THOC2: variants seen among roughly 807,000 people sequenced by gnomAD.
The protein encoded by THOC2 is THO complex subunit 2.
Under a neutral mutation model 128.4 loss-of-function variants are expected in THOC2, and 10 were observed. The ratio of observed to expected loss-of-function variants is 0.08; its 90% confidence interval spans 0.05 to 0.13. THOC2 has a LOEUF of 0.13. Ranked by LOEUF, THOC2 falls within the 10% of genes least tolerant of loss-of-function variation. THOC2 has a pLI of 1.00. For missense variants in THOC2, 535 were observed against 1,155.7 expected (o/e 0.46, Z 7.79); for synonymous variants, 393 against 396.9 (o/e 0.99, Z 0.12).
chrX:123,645,431 A>AC, intron 12 of THOC2, 56 bp from the exon 13 acceptor site: 1 of 727,489 alleles, frequency 1.4e-6, no homozygotes, highest in African/African-American at 2.2e-5. Flanking sequence ...TTATGATGTC[A>AC]CAATTAATTT....
intron 8 of THOC2, among the ~76,000 whole-genome samples, chrX:123,672,996 T>G (rs1045355122): frequency 4.4e-5 from 5 of 112,539 alleles, no homozygotes; most frequent in African/African-American, 1.6e-4. Flanking sequence ...CACTCTATTT[T>G]TTAAAAACAG....
intron 4 of THOC2, among the ~76,000 whole-genome samples, chrX:123,700,438 T>C (rs889502760): frequency 3.9e-4 from 39 of 100,432 alleles, no homozygotes; most frequent in South Asian, 1.1e-3. Flanking sequence ...GAGGTGGAGG[T>C]TGCAGCAAGC....
chrX:123,635,266 T>C (rs2047631602), intron 19 of THOC2, among the ~76,000 whole-genome samples: 1 of 111,918 alleles, frequency 8.9e-6, no homozygotes, highest in African/African-American at 3.2e-5. Flanking sequence ...TCCTGGCCTA[T>C]AGACAAAGAA....
At chrX:123,639,495 T>G (rs1437808049) in intron 16 of THOC2, among the ~76,000 whole-genome samples, 2 of 112,134 alleles carry the variant, frequency 1.8e-5, no homozygotes, top group Non-Finnish European at 3.8e-5. Flanking sequence ...TGGTACTTTT[T>G]TTGTGGCTAT....
intron 16 of THOC2, among the ~76,000 whole-genome samples, chrX:123,639,603 A>C (rs1277425423): frequency 5.4e-5 from 6 of 111,035 alleles, no homozygotes; most frequent in African/African-American, 2.0e-4. Context: ...GTATCCTGAA[A>C]CTTTACTATG....
chrX:123,613,907 G>A, intron 34 of THOC2, 145 bp downstream of exon 34: 1 of 708,326 alleles, frequency 1.4e-6, no homozygotes, highest in Non-Finnish European at 2.1e-6. Context: ...CGTAGAAAAT[G>A]CAAACACTTC....
At chrX:123,664,696 A>G (rs758527959) in intron 12 of THOC2, among the ~76,000 whole-genome samples, 41 of 111,824 alleles carry the variant, frequency 3.7e-4, no homozygotes, top group African/African-American at 1.1e-3. Flanking sequence ...AAAAAGTCAG[A>G]AAACAACAGG....
chrX:123,645,151 A>T (rs1328132885), intron 13 of THOC2, among the ~76,000 whole-genome samples, 183 bp downstream of exon 13: 10 of 112,161 alleles, frequency 8.9e-5, no homozygotes, highest in Non-Finnish European at 5.6e-5. Context: ...CTTTTTCAAC[A>T]TCAGGGGAAA....
intron 2 of THOC2, among the ~76,000 whole-genome samples, chrX:123,708,849 C>T (rs183228635): frequency 1.7e-3 from 189 of 111,496 alleles, no homozygotes; most frequent in South Asian, 0.01. Context: ...TGGGTTCAAG[C>T]GCTTCTCCAG....
intron 3 of THOC2, among the ~76,000 whole-genome samples, chrX:123,705,836 A>G (rs1028493948): frequency 9.0e-6 from 1 of 111,612 alleles, no homozygotes; most frequent in African/African-American, 3.2e-5. Flanking sequence ...CCCACACCTT[A>G]ATAAAACCTA....
intron 1 of THOC2, among the ~76,000 whole-genome samples, chrX:123,717,276 T>TA (rs1014968566): frequency 9.0e-6 from 1 of 110,833 alleles, no homozygotes; most frequent in African/African-American, 3.3e-5. Flanking sequence ...ATAAATAGGG[T>TA]AAAATCACAG....
chrX:123,651,902 C>T (rs2048374148), intron 12 of THOC2, among the ~76,000 whole-genome samples: 1 of 111,411 alleles, frequency 9.0e-6, no homozygotes, highest in Non-Finnish European at 1.9e-5. Context: ...CTTTCTGAAA[C>T]TATTCCAAAC....
chrX:123,631,577 T>C, intron 22 of THOC2, 111 bp downstream of exon 22: 1 of 833,375 alleles, frequency 1.2e-6, no homozygotes, highest in South Asian at 2.4e-5. Flanking sequence ...GGGATCCTAG[T>C]TTAGGGCCAA....
At chrX:123,671,787 C>T (rs2049289601) in intron 8 of THOC2, 26 bp from the exon 9 acceptor site, 2 of 981,440 alleles carry the variant, frequency 2.0e-6, no homozygotes, top group Non-Finnish European at 2.8e-6. Context: ...AAAAAGTTTC[C>T]ATTTAGTGCA....
At chrX:123,710,047 G>A (rs977793257) in intron 2 of THOC2, among the ~76,000 whole-genome samples, 1 of 111,751 alleles carries the variant, frequency 8.9e-6, no homozygotes, top group African/African-American at 3.3e-5. Context: ...GACACTGCCC[G>A]AACTCAAACC....
chrX:123,609,184 T>G (rs1355305111), intron 38 of THOC2, among the ~76,000 whole-genome samples: 1 of 111,938 alleles, frequency 8.9e-6, no homozygotes, highest in Non-Finnish European at 1.9e-5. Flanking sequence ...GACAGCAAAA[T>G]GCCAGATTAA....
At chrX:123,678,669 C>A (rs951124493) in intron 8 of THOC2, among the ~76,000 whole-genome samples, 1 of 110,572 alleles carries the variant, frequency 9.0e-6, no homozygotes, top group Non-Finnish European at 1.9e-5. Context: ...TTTTCTTGGG[C>A]CTCTTCTTCA....
chrX:123,730,336 G>A (rs1391205203), intron 1 of THOC2, among the ~76,000 whole-genome samples: 1 of 111,142 alleles, frequency 9.0e-6, no homozygotes, highest in Non-Finnish European at 1.9e-5. Context: ...GTGCCACCAC[G>A]CTCGGCAAAT....
chrX:123,625,093 T>C (rs931681578), intron 25 of THOC2, among the ~76,000 whole-genome samples: 1 of 110,692 alleles, frequency 9.0e-6, no homozygotes, highest in Non-Finnish European at 1.9e-5. Flanking sequence ...GTTTTTTGTT[T>C]TGTTTTGTTT....
Sources: allele counts gnomAD v4.1 joint callset (sites outside exome capture counted in the v4.1 genomes callset), GRCh38; gene constraint gnomAD v4.1.1; transcripts MANE v1.5; gene names NCBI Gene and HGNC (gene_info 2026-07-23, HGNC 2026-07-21).